EXOG: variants seen among roughly 807,000 people sequenced by gnomAD.
EXOG encodes nuclease EXOG, mitochondrial.
Under a neutral mutation model 25.8 loss-of-function variants are expected in EXOG, and 27 were observed. The ratio of observed to expected loss-of-function variants is 1.05; its 90% CI spans 0.77 to 1.45. The LOEUF (loss-of-function observed/expected upper bound fraction) is 1.45. Among genes scored for constraint, EXOG ranks in the 40% most tolerant of loss-of-function variants. The probability of loss-of-function intolerance (pLI) is 0.00; values close to 1 mark genes in which losing one functional copy is unlikely to be tolerated. For synonymous variants in EXOG, 133 were observed against 167.0 expected (o/e 0.80, Z 1.57); for missense variants, 458 against 450.5 (o/e 1.02, Z -0.15).
intron 1 of EXOG, chr3:38,496,977 G>A (rs1371192768): frequency 3.7e-6 from 4 of 1,067,790 alleles, no homozygotes; most frequent in African/African-American, 1.7e-5. Context: ...TAGTAGATGA[G>A]TTAACTGCCC....
intron 5 of EXOG, among the ~76,000 whole-genome samples, chr3:38,517,698 G>T (rs959138895): frequency 6.6e-6 from 1 of 152,174 alleles, no homozygotes; most frequent in African/African-American, 2.4e-5. Flanking sequence ...CTGTGTTCTT[G>T]TATTTCAAAA....
chr3:38,525,231 T>G lies in EXOG; in HGVS notation c.*869T>G, dbSNP rs1073505. 1 of 983,312 alleles carries G rather than the reference T, an allele frequency of 1.0e-6. No individual in the cohort carries two copies. The highest frequency in any genetic ancestry group is 1.2e-6 in the Non-Finnish European group (1 of 828,130). 60.9% of individuals were successfully genotyped at this position (983,312 alleles called of 1,614,324 possible). A position where few individuals can be genotyped will look rare whatever the true frequency, so the allele number is the denominator to read the frequency against. On this transcript the variant is annotated 3_prime_UTR_variant, in exon 6 of 6. Coordinates refer to ENST00000287675, the MANE Select transcript of EXOG (RefSeq NM_005107.4). ...GGCTTAGAGAGCTTAGTGTCTTACC[T>G]GAGTTTCACTTTTCCAAAGTAGTCA...
rs1417237576 is a variant in EXOG, at chr3:38,525,958, A to G, written c.*1596A>G. 1.0e-5 allele frequency: 10 copies of G among 985,082 alleles called. No homozygotes were observed. The highest frequency in any genetic ancestry group is 1.2e-5 in the Non-Finnish European group (10 of 829,748). 61.0% of individuals were successfully genotyped at this position (985,082 alleles called of 1,614,324 possible). On this transcript the variant is annotated 3_prime_UTR_variant, in exon 6 of 6. Coordinates refer to ENST00000287675, the MANE Select transcript of EXOG (RefSeq NM_005107.4). ...GACCCTGTCTCAAAAAAAGAAAAGA[A>G]AAAAGAAAAAGGTCTGCCCACAAAA...
At chr3:38,513,044 C>CAGAAGCTAAGTGAAGAAATCA (rs2060421283) in intron 5 of EXOG, among the ~76,000 whole-genome samples, 1 of 152,170 alleles carries the variant, frequency 6.6e-6, no homozygotes, top group Non-Finnish European at 1.5e-5. Context: ...TCAAGTAGTC[C>CAGAAGCTAAGTGAAGAAATCA]TCCCACCTCC....
intron 3 of EXOG, among the ~76,000 whole-genome samples, chr3:38,502,607 A>G (rs1002172403): frequency 1.3e-5 from 2 of 152,194 alleles, no homozygotes; most frequent in Non-Finnish European, 2.9e-5. Context: ...ATATATAAAT[A>G]CAAGTATCAC....
chr3:38,523,995 G>C lies in EXOG; in HGVS notation c.740G>C (p.Gly247Ala), dbSNP rs768357746. The C allele has an allele frequency of 6.2e-7, 1 of 1,613,848 alleles. No individual in the cohort carries two copies. The highest frequency in any genetic ancestry group is 8.5e-7 in the Non-Finnish European group (1 of 1,179,894). ...SSVSTEPLALGAFVVPNEAIG... is the reference protein window; with the variant it reads ...SSVSTEPLALAAFVVPNEAIG... Reference sequence around the variant, plus strand: ...GTATCTACCGAACCACTGGCGCTAGGGGCCTTTGTGGTACCCAATGAAGCC... The same window carrying C: ...GTATCTACCGAACCACTGGCGCTAGCGGCCTTTGTGGTACCCAATGAAGCC... The change falls in exon 6 of 6, where the codon GGG becomes GCG. Residue 247 changes from glycine (G) to alanine (A), a missense_variant. Physicochemically the swap from Gly to Ala is moderately conservative, Grantham distance 60. This residue lies in a region of EXOG where 178 missense variants were observed against 203.7 expected (regional missense o/e 0.87). Coordinates refer to ENST00000287675, the MANE Select transcript of EXOG (RefSeq NM_005107.4).
intron 5 of EXOG, among the ~76,000 whole-genome samples, chr3:38,511,143 C>G (rs1461143512): frequency 6.6e-6 from 1 of 152,180 alleles, no homozygotes; most frequent in African/African-American, 2.4e-5. Flanking sequence ...TTACTTTCTT[C>G]CTCTCCTGTA....
At chr3:38,500,195 T>C (rs1438742705) in intron 2 of EXOG, 1 of 156,440 alleles carries the variant, frequency 6.4e-6, no homozygotes, top group East Asian at 1.9e-4. Context: ...TCATGCAGAC[T>C]TACAGCCCAA....
rs151061069 is a variant in EXOG at position 38,520,606 on chromosome 3, C to T, written c.646-3295C>T. ...AATCTTGCTTGATTATACGTTTCCC[C>T]CGCCCCCATCCCTCTGTAAAACCAT... On this transcript the variant is annotated intron_variant, in intron 5 of 5. Coordinates refer to ENST00000287675, the MANE Select transcript of EXOG (RefSeq NM_005107.4). 9.3e-4 allele frequency among the ~76,000 whole-genome samples: 141 copies of T among 152,258 alleles called. 1 individual carries two copies. Among genetic ancestry groups the T allele is most frequent in the African/African-American group, 2.8e-3 (117 of 41,560 alleles).
intron 5 of EXOG, among the ~76,000 whole-genome samples, chr3:38,510,444 T>C (rs1192146192): frequency 6.6e-6 from 1 of 152,118 alleles, no homozygotes; most frequent in Non-Finnish European, 1.5e-5. Context: ...TTAAAATTGT[T>C]CTGTGATATG....
Position 38,496,379 on chromosome 3 carries a change from G to A in EXOG, c.12G>A (p.Lys4=), listed in dbSNP as rs750383065. 10 of 1,613,712 alleles carry A rather than the reference G, an allele frequency of 6.2e-6. No homozygotes were observed. The South Asian group carries it at 9.9e-5, about 16-fold the overall frequency. The stretch of plus-strand genomic sequence containing the variant: ...GTACCTCGGGCAAGATGGCTATCAA[G>A]AGTATCGCTTCCCGCCTCCGGGGTT... The part of the protein sequence containing the change: MAI[K]SIASRLRGSR... Residue 4 remains lysine, a synonymous_variant, in exon 1 of 6, where the codon AAG becomes AAA. Coordinates refer to ENST00000287675, the MANE Select transcript of EXOG (RefSeq NM_005107.4).
chr3:38,497,583 T>G, intron 1 of EXOG, 46 bp from the exon 2 acceptor site: 2 of 1,521,306 alleles, frequency 1.3e-6, no homozygotes, highest in South Asian at 1.3e-5. Context: ...TGTGTGTGTG[T>G]TTTTTTTGTC....
intron 5 of EXOG, among the ~76,000 whole-genome samples, chr3:38,512,719 G>A (rs1344943922): frequency 6.6e-6 from 1 of 152,100 alleles, no homozygotes; most frequent in Non-Finnish European, 1.5e-5. Context: ...CTGTAGCAGA[G>A]TTTGTAAACT....
chr3:38,523,560 G>T (rs2060787989), intron 5 of EXOG, among the ~76,000 whole-genome samples: 1 of 151,992 alleles, frequency 6.6e-6, no homozygotes, highest in Admixed American at 6.5e-5. Context: ...TAGAGATGGG[G>T]TTTCACCATG....
chr3:38,503,944 G>T (rs1246527508), intron 4 of EXOG, among the ~76,000 whole-genome samples: 1 of 152,130 alleles, frequency 6.6e-6, no homozygotes, highest in Non-Finnish European at 1.5e-5. Context: ...TGAAAGAAAT[G>T]ACTCAAAATA....
chr3:38,512,230 T>G (rs2125780881), intron 5 of EXOG, among the ~76,000 whole-genome samples: 1 of 152,330 alleles, frequency 6.6e-6, no homozygotes, highest in East Asian at 1.9e-4. Flanking sequence ...TCCTTGAAAT[T>G]AAACTTGAAA....
At chr3:38,497,020 G>T in intron 1 of EXOG, 1 of 1,027,498 alleles carries the variant, frequency 9.7e-7, no homozygotes. Flanking sequence ...AAGAATACCT[G>T]CTATCCCTCC....
Position 38,496,491 on chromosome 3 carries a change from C to T in EXOG, c.124C>T (p.Gln42Ter). Residue 42 changes from glutamine (Q) to a stop codon, truncating the protein, a stop_gained, in exon 1 of 6, where the codon CAG (glutamine) becomes TAG (stop). Coordinates refer to ENST00000287675, the MANE Select transcript of EXOG (RefSeq NM_005107.4). LOFTEE classifies it high-confidence loss of function. ...GLAALQFFRS[Q>*]GAEGALTGKQ... ...CGCGGCCCTGCAGTTCTTCCGGAGTCAGGGCGCTGAGGGAGCGTTGACAGG... is the reference window on the plus strand; with the variant it reads ...CGCGGCCCTGCAGTTCTTCCGGAGTTAGGGCGCTGAGGGAGCGTTGACAGG... 1 of 1,613,616 alleles carries T rather than the reference C, an allele frequency of 6.2e-7. No homozygotes were observed. Among genetic ancestry groups the T allele is most frequent in the Non-Finnish European group, 8.5e-7 (1 of 1,179,896 alleles).
At chr3:38,522,497 T>TTTTTGTTTTG (rs927534846) in intron 5 of EXOG, among the ~76,000 whole-genome samples, 1 of 152,182 alleles carries the variant, frequency 6.6e-6, no homozygotes, top group South Asian at 2.1e-4. Context: ...CAAAAAAGCC[T>TTTTTGTTTTG]TTTTGTTTTG....
Sources: allele counts gnomAD v4.1 joint callset (sites outside exome capture counted in the v4.1 genomes callset), GRCh38; gene constraint gnomAD v4.1.1; regional missense constraint gnomAD v4.1.1; transcripts MANE v1.5; gene names NCBI Gene and HGNC (gene_info 2026-07-23, HGNC 2026-07-21).